SLC35D4: variants seen among roughly 807,000 people sequenced by gnomAD.
SLC35D4 encodes the protein solute carrier family 35 member D4.
chr18:23,337,250 G>A, the SLC35D4 span, among the ~76,000 whole-genome samples: 1 of 152,112 alleles, frequency 6.6e-6, no homozygotes, highest in Non-Finnish European at 1.5e-5. Flanking sequence ...GAGGCAGGCG[G>A]ATCACAAGGT....
chr18:23,299,020 G>T, the SLC35D4 span, among the ~76,000 whole-genome samples: 5 of 152,156 alleles, frequency 3.3e-5, no homozygotes, highest in Admixed American at 2.6e-4. Flanking sequence ...ATGTTCCTTT[G>T]GTGGGTGACC....
the SLC35D4 span, among the ~76,000 whole-genome samples, chr18:23,255,735 A>G: frequency 6.6e-6 from 1 of 151,322 alleles, no homozygotes; most frequent in Non-Finnish European, 1.5e-5. Context: ...AATTTTTTTT[A>G]TTTTTTATAG....
At chr18:23,426,455 T>C in the SLC35D4 span, among the ~76,000 whole-genome samples, 1 of 152,110 alleles carries the variant, frequency 6.6e-6, no homozygotes, top group Non-Finnish European at 1.5e-5. Context: ...GAATCCAACT[T>C]ACAAGGGATG....
the SLC35D4 span, among the ~76,000 whole-genome samples, chr18:23,246,231 A>G: frequency 6.0e-5 from 9 of 150,270 alleles, no homozygotes; most frequent in Non-Finnish European, 1.2e-4. Flanking sequence ...ACCACTGCAC[A>G]CTCCAGCCTA....
At chr18:23,353,879 G>A in the SLC35D4 span, among the ~76,000 whole-genome samples, 5 of 152,078 alleles carry the variant, frequency 3.3e-5, no homozygotes, top group African/African-American at 1.2e-4. Context: ...AATAATCATA[G>A]CAGTCCTCAT....
the SLC35D4 span, chr18:23,421,432 G>T: frequency 1.2e-6 from 2 of 1,613,906 alleles, no homozygotes; most frequent in Non-Finnish European, 1.7e-6. Context: ...GTCCACCAAT[G>T]AGCGTCTGCC....
chr18:23,431,877 G>A, the SLC35D4 span, among the ~76,000 whole-genome samples: 1 of 152,056 alleles, frequency 6.6e-6, no homozygotes, highest in Admixed American at 6.6e-5. Flanking sequence ...ACGGCTTTAG[G>A]CAAGGACTCT....
At chr18:23,316,119 T>C in the SLC35D4 span, among the ~76,000 whole-genome samples, 1 of 152,218 alleles carries the variant, frequency 6.6e-6, no homozygotes, top group East Asian at 1.9e-4. Context: ...AGTTCTCTTC[T>C]ATACCCTCCA....
the SLC35D4 span, among the ~76,000 whole-genome samples, chr18:23,314,050 T>C: frequency 6.6e-6 from 1 of 152,238 alleles, no homozygotes; most frequent in Admixed American, 6.5e-5. Context: ...TCCAGCCCTG[T>C]GTCCGATCTT....
chr18:23,374,766 T>A, the SLC35D4 span, among the ~76,000 whole-genome samples: 1 of 152,102 alleles, frequency 6.6e-6, no homozygotes, highest in Non-Finnish European at 1.5e-5. Context: ...GTTACAGGCC[T>A]GAGCCAATAC....
the SLC35D4 span, among the ~76,000 whole-genome samples, chr18:23,420,086 C>G: frequency 6.6e-6 from 1 of 151,930 alleles, no homozygotes; most frequent in Non-Finnish European, 1.5e-5. Flanking sequence ...GATGGATCAC[C>G]TGAGGTCGGG....
At chr18:23,331,240 G>C in the SLC35D4 span, 1 of 152,376 alleles carries the variant, frequency 6.6e-6, no homozygotes, top group East Asian at 1.9e-4. Flanking sequence ...ATGCTACCGG[G>C]AAGTCTGAGC....
the SLC35D4 span, among the ~76,000 whole-genome samples, chr18:23,246,907 G>T: frequency 1.3e-5 from 2 of 152,156 alleles, no homozygotes; most frequent in Non-Finnish European, 1.5e-5. Context: ...TGGCCAAGCT[G>T]GTCTCGAACT....
the SLC35D4 span, among the ~76,000 whole-genome samples, chr18:23,414,331 A>AAGGG: frequency 5.0e-5 from 7 of 140,450 alleles, no homozygotes; most frequent in African/African-American, 1.9e-4. Flanking sequence ...GGAAGGAAGG[A>AAGGG]AGGCAGGCAG....
chr18:23,356,334 C>G, the SLC35D4 span, among the ~76,000 whole-genome samples: 3 of 152,194 alleles, frequency 2.0e-5, no homozygotes, highest in Non-Finnish European at 4.4e-5. This position sits in a 1 kb window ranked among gnomAD's most constrained non-coding sequence, Gnocchi z 4.1. Context: ...AATCCTAGCT[C>G]TAGAGCAAGC....
At chr18:23,293,385 A>G in the SLC35D4 span, among the ~76,000 whole-genome samples, 7 of 152,270 alleles carry the variant, frequency 4.6e-5, no homozygotes, top group Non-Finnish European at 1.0e-4. Context: ...TGTTGATAGT[A>G]CATTTTATTT....
At chr18:23,386,180 A>G in the SLC35D4 span, among the ~76,000 whole-genome samples, 1 of 151,910 alleles carries the variant, frequency 6.6e-6, no homozygotes, top group Non-Finnish European at 1.5e-5. Flanking sequence ...AGACATCCAC[A>G]TTCCAATCCC....
At chr18:23,244,036 G>A in the SLC35D4 span, among the ~76,000 whole-genome samples, 1 of 152,128 alleles carries the variant, frequency 6.6e-6, no homozygotes, top group Non-Finnish European at 1.5e-5. Context: ...CTATGTATTT[G>A]TCTCGGATTT....
chr18:23,421,100 C>T, the SLC35D4 span, among the ~76,000 whole-genome samples: 1 of 151,814 alleles, frequency 6.6e-6, no homozygotes, highest in South Asian at 2.1e-4. Flanking sequence ...AAAAATTAGC[C>T]GGGCATGGTG....
Sources: allele counts gnomAD v4.1 joint callset (sites outside exome capture counted in the v4.1 genomes callset), GRCh38; gene constraint gnomAD v4.1.1; non-coding constraint Gnocchi (gnomAD v3.1); transcripts MANE v1.5; gene names NCBI Gene and HGNC (gene_info 2026-07-23, HGNC 2026-07-21).